Variants in DCHS2 observed in about 807,000 individuals in gnomAD.
DCHS2 encodes protocadherin-23.
In DCHS2, 142 loss-of-function variants were observed where a neutral mutation model predicts 182.4. That is an observed-to-expected ratio of 0.78 (90% CI 0.68 to 0.89). DCHS2 has a LOEUF of 0.89. Ranked by LOEUF, DCHS2 falls within the 40% of genes least tolerant of loss-of-function variation. The pLI, the probability that DCHS2 is intolerant of heterozygous loss-of-function variation, is 0.00. For missense variants in DCHS2, 4,319 were observed against 4,198.6 expected, an observed-to-expected ratio of 1.03 and a Z score of -0.79; for synonymous variants, 1,740 against 1,663.3, an observed-to-expected ratio of 1.05 and a Z score of -1.12.
rs17373874 is a variant in DCHS2 at position 154,490,787 on chromosome 4, A to G, written c.569T>C (p.Val190Ala). ...SPPGTAFRLP[V>A]AHDPDAGLFS... ...CAGTCCGGCGTCCGGATCGTGGGCA[A>G]CTGGCAGGCGGAAGGCGGTCCCTGG... Residue 190 changes from valine to alanine, a missense_variant, in exon 1 of 20, where the codon GTT becomes GCT. By Grantham distance (64) the Val-to-Ala change is moderately conservative. Transcript: ENST00000357232. 1.3e-6 allele frequency: 2 copies of G among 1,551,348 alleles called. No individual in the cohort carries two copies. Among genetic ancestry groups the G allele is most frequent in the Non-Finnish European group, 1.7e-6 (2 of 1,146,800 alleles).
rs1041337842 is a variant in DCHS2 at position 154,234,984 on chromosome 4, G to A, written c.9668C>T (p.Thr3223Ile). The change falls in exon 20 of 20, where the codon ACC becomes ATC. Residue 3223 changes from threonine to isoleucine, a missense_variant. Physicochemically the swap from Thr to Ile is moderately conservative, Grantham distance 89 (BLOSUM62 -1). Transcript: ENST00000357232. ...VRCAALSTQT[T>I]SDHDGKDNYH... The stretch of plus-strand genomic sequence containing the variant: ...GTTGTCTTTTCCATCATGATCAGAG[G>A]TCGTCTGAGTTGAAAGAGCTGCACA... The A allele has an allele frequency of 1.9e-6, 3 of 1,614,026 alleles. No individual in the cohort carries two copies. The highest frequency in any genetic ancestry group is 8.5e-7 in the Non-Finnish European group (1 of 1,179,954).
intron 1 of DCHS2, among the ~76,000 whole-genome samples, chr4:154,389,095 T>C (rs1346230770): frequency 6.6e-6 from 1 of 152,200 alleles, no homozygotes; most frequent in Non-Finnish European, 1.5e-5. Context: ...CATTTTAGCA[T>C]GAAAGAGCCG....
intron 1 of DCHS2, among the ~76,000 whole-genome samples, chr4:154,462,940 G>C (rs1735073162): frequency 6.6e-6 from 1 of 151,972 alleles, no homozygotes; most frequent in East Asian, 1.9e-4. Flanking sequence ...TAACTAGCTA[G>C]TTAATTGGGA....
intron 1 of DCHS2, among the ~76,000 whole-genome samples, chr4:154,448,742 C>T (rs1734407802): frequency 6.6e-6 from 1 of 152,230 alleles, no homozygotes; most frequent in Non-Finnish European, 1.5e-5. Context: ...TTCACAGAAG[C>T]TGTCTCTGTT....
chr4:154,317,551 T>G (rs1347182543), intron 9 of DCHS2, among the ~76,000 whole-genome samples: 1 of 152,210 alleles, frequency 6.6e-6, no homozygotes, highest in Non-Finnish European at 1.5e-5. Context: ...CCATTCCAAA[T>G]AATGCTTTTA....
At chr4:154,355,081 A>G (rs1008567337) in intron 3 of DCHS2, among the ~76,000 whole-genome samples, 43 of 152,110 alleles carry the variant, frequency 2.8e-4, no homozygotes, top group African/African-American at 9.2e-4. Context: ...TCCATCTTGA[A>G]TAGGGGCTGG....
intron 3 of DCHS2, among the ~76,000 whole-genome samples, chr4:154,335,674 TAC>T (rs35036974): frequency 4.0e-5 from 6 of 150,712 alleles, no homozygotes; most frequent in South Asian, 4.2e-4. Context: ...TCCTCATACA[TAC>T]ACACACACAC....
At chr4:154,418,778 G>C (rs898376656) in intron 1 of DCHS2, among the ~76,000 whole-genome samples, 1 of 152,122 alleles carries the variant, frequency 6.6e-6, no homozygotes, top group Non-Finnish European at 1.5e-5. Context: ...AATTATGTAG[G>C]TATGACTACA....
At chr4:154,329,790 C>G (rs757178330) in intron 5 of DCHS2, 80 bp from the exon 6 acceptor site, 1 of 1,325,178 alleles carries the variant, frequency 7.5e-7, no homozygotes, top group East Asian at 2.3e-5. Flanking sequence ...AGAAGGAAAA[C>G]CAAGTACAAA....
intron 13 of DCHS2, among the ~76,000 whole-genome samples, chr4:154,286,610 C>A (rs1245010069): frequency 6.6e-6 from 1 of 151,370 alleles, no homozygotes; most frequent in Non-Finnish European, 1.5e-5. Context: ...ACAGATCAAG[C>A]AGAAGAAAGA....
chr4:154,364,745 T>C, intron 3 of DCHS2, among the ~76,000 whole-genome samples: 1 of 152,176 alleles, frequency 6.6e-6, no homozygotes, highest in East Asian at 1.9e-4. Context: ...TAAATTATCA[T>C]TTGTTTCTAC....
Position 154,491,033 on chromosome 4 carries a change from T to A in DCHS2, c.323A>T (p.Asp108Val). The A allele has an allele frequency of 1.9e-6, 3 of 1,551,002 alleles. No individual in the cohort carries two copies. The South Asian group carries it at 3.6e-5, about 18-fold the overall frequency. Residue 108 changes from aspartate (D) to valine (V), a missense_variant, in exon 1 of 20, where the codon GAT becomes GTT. By Grantham distance (152) the Asp-to-Val change is radical. Coordinates refer to ENST00000357232, the MANE Select transcript of DCHS2 (RefSeq NM_001358235.2). Reference sequence around the variant, plus strand: ...GAAGTCGTCCAGCAGCGGGGAGTCATCGGAGTCCTCCGACAGAAAGAAGCC... The same window carrying A: ...GAAGTCGTCCAGCAGCGGGGAGTCAACGGAGTCCTCCGACAGAAAGAAGCC... ...GSGFFLSEDS[D>V]DSPLLDDFHV...
intron 1 of DCHS2, among the ~76,000 whole-genome samples, chr4:154,449,627 C>T (rs1734453003): frequency 1.3e-5 from 2 of 152,138 alleles, no homozygotes; most frequent in Non-Finnish European, 2.9e-5. Context: ...CTTGCCTCGG[C>T]CTCCCAAAGT....
intron 18 of DCHS2, among the ~76,000 whole-genome samples, chr4:154,240,214 A>G (rs1731735183): frequency 6.6e-6 from 1 of 152,150 alleles, no homozygotes. Context: ...TTCCCAAATT[A>G]ACTGCAGATA....
chr4:154,332,168 C>T (rs963626423), intron 5 of DCHS2, among the ~76,000 whole-genome samples: 4 of 152,120 alleles, frequency 2.6e-5, no homozygotes, highest in Non-Finnish European at 5.9e-5. Context: ...TCTGACTATA[C>T]CTCTAGTTCA....
intron 1 of DCHS2, among the ~76,000 whole-genome samples, chr4:154,410,785 A>G (rs1732599480): frequency 6.6e-6 from 1 of 152,170 alleles, no homozygotes; most frequent in Non-Finnish European, 1.5e-5. Context: ...AAAGTCTCCA[A>G]ATAGATTCAA....
intron 5 of DCHS2, among the ~76,000 whole-genome samples, chr4:154,331,402 C>T (rs138283411): frequency 4.1e-4 from 63 of 152,210 alleles, no homozygotes; most frequent in African/African-American, 1.5e-3. Context: ...AAATAGAAGA[C>T]CTTGAAAACT....
intron 15 of DCHS2, among the ~76,000 whole-genome samples, chr4:154,259,073 C>T (rs529023534): frequency 2.0e-4 from 30 of 152,248 alleles, no homozygotes; most frequent in African/African-American, 6.7e-4. Flanking sequence ...TGAATGGATG[C>T]TTCTCCAGGA....
intron 1 of DCHS2, among the ~76,000 whole-genome samples, chr4:154,428,797 A>T (rs1579074409): frequency 6.6e-6 from 1 of 151,640 alleles, no homozygotes; most frequent in African/African-American, 2.4e-5. Flanking sequence ...CAGCTACTCA[A>T]GAGGCTGAGG....
Sources: allele counts gnomAD v4.1 joint callset (sites outside exome capture counted in the v4.1 genomes callset), GRCh38; gene constraint gnomAD v4.1.1; transcripts MANE v1.5; gene names NCBI Gene and HGNC (gene_info 2026-07-23, HGNC 2026-07-21).